CDS2: variants seen among roughly 807,000 people sequenced by gnomAD.
CDS2 encodes CDP-diacylglycerol synthase 2.
Under a neutral mutation model 59.0 loss-of-function variants are expected in CDS2, and 47 were observed. That is an observed-to-expected ratio of 0.80 (90% CI 0.63 to 1.02). CDS2 has a LOEUF of 1.02. Among genes scored for constraint, CDS2 ranks in the 50% least tolerant of loss-of-function variants. The pLI is 0.00. For synonymous variants in CDS2, 207 were observed against 206.4 expected (o/e 1.00, Z -0.02); for missense variants, 356 against 558.9 (o/e 0.64, Z 3.66).
intron 1 of CDS2, among the ~76,000 whole-genome samples, chr20:5,135,065 G>GT (rs1196509257): frequency 1.3e-5 from 2 of 151,910 alleles, no homozygotes; most frequent in Non-Finnish European, 2.9e-5. Flanking sequence ...AATGAATCTT[G>GT]TAACTAATTT....
At chr20:5,168,467 G>A in intron 1 of CDS2, 1 of 353,440 alleles carries the variant, frequency 2.8e-6, no homozygotes, top group Admixed American at 3.7e-5. Context: ...GGGGTATAGG[G>A]TAGGATAGGT....
At chr20:5,187,163 T>G (rs1170222769) in intron 10 of CDS2, 3 of 272,840 alleles carry the variant, frequency 1.1e-5, no homozygotes, top group Non-Finnish European at 2.2e-5. Context: ...TTATTTTCCT[T>G]TTTCAATGTG....
At chr20:5,180,965 G>A (rs1315837628) in intron 5 of CDS2, among the ~76,000 whole-genome samples, 1 of 152,088 alleles carries the variant, frequency 6.6e-6, no homozygotes, top group African/African-American at 2.4e-5. Context: ...TCACAGCTCG[G>A]ACACAAAGTG....
chr20:5,181,168 A>G (rs908548708), intron 5 of CDS2, among the ~76,000 whole-genome samples: 3 of 152,244 alleles, frequency 2.0e-5, no homozygotes, highest in Non-Finnish European at 4.4e-5. Flanking sequence ...GCTGATTGCA[A>G]TATGTTCCCA....
chr20:5,189,620 C>A, intron 11 of CDS2, 115 bp from the exon 12 acceptor site: 1 of 712,296 alleles, frequency 1.4e-6, no homozygotes, highest in Non-Finnish European at 2.5e-6. Context: ...TACTTCTCAC[C>A]TTCTATTGCC....
chr20:5,183,309 G>T (rs946132122), intron 7 of CDS2, 166 bp downstream of exon 7: 6 of 612,486 alleles, frequency 9.8e-6, no homozygotes, highest in Non-Finnish European at 1.8e-5. Flanking sequence ...TGATTCATTA[G>T]ATCTGGGGTA....
At chr20:5,188,330 C>T (rs2091085761) in intron 10 of CDS2, among the ~76,000 whole-genome samples, 1 of 152,204 alleles carries the variant, frequency 6.6e-6, no homozygotes. Context: ...GAAATGACTA[C>T]TTGTCAAGCT....
chr20:5,137,228 C>G (rs964298691), intron 1 of CDS2, among the ~76,000 whole-genome samples: 32 of 147,880 alleles, frequency 2.2e-4, no homozygotes, highest in African/African-American at 6.9e-4. Flanking sequence ...TTCTTTCTGT[C>G]ACCCTCCCTC....
intron 1 of CDS2, among the ~76,000 whole-genome samples, chr20:5,172,621 C>G (rs144146427): frequency 3.6e-4 from 55 of 152,294 alleles, no homozygotes; most frequent in African/African-American, 1.3e-3. Context: ...AATGGGGCTT[C>G]TCCTGTCCCT....
At chr20:5,151,242 G>T (rs2122993064) in intron 1 of CDS2, among the ~76,000 whole-genome samples, 1 of 152,246 alleles carries the variant, frequency 6.6e-6, no homozygotes, top group South Asian at 2.1e-4. Context: ...TCATTAAAAA[G>T]TACTTAGAAT....
At chr20:5,144,227 T>C (rs1004496054) in intron 1 of CDS2, among the ~76,000 whole-genome samples, 1 of 152,204 alleles carries the variant, frequency 6.6e-6, no homozygotes, top group Non-Finnish European at 1.5e-5. Flanking sequence ...TAAACAACTA[T>C]TGGGATCCTC....
At chr20:5,150,843 G>A (rs920234381) in intron 1 of CDS2, among the ~76,000 whole-genome samples, 1 of 152,156 alleles carries the variant, frequency 6.6e-6, no homozygotes, top group African/African-American at 2.4e-5. Flanking sequence ...CTTTGTCTTC[G>A]ATTTCTGTAG....
At chr20:5,151,889 T>C (rs147587309) in intron 1 of CDS2, among the ~76,000 whole-genome samples, 3,841 of 150,386 alleles carry the variant, frequency 0.026, 68 homozygotes, top group East Asian at 0.08. Flanking sequence ...CTCAGCCTTC[T>C]GAGTAGCTGG....
chr20:5,143,729 A>T, intron 1 of CDS2, among the ~76,000 whole-genome samples: 1 of 130,558 alleles, frequency 7.7e-6, no homozygotes, highest in Non-Finnish European at 1.6e-5. Flanking sequence ...TATCTGTTTG[A>T]GTCTCTGCTT....
chr20:5,129,825 C>T (rs1476964924), intron 1 of CDS2, among the ~76,000 whole-genome samples: 3 of 151,892 alleles, frequency 2.0e-5, no homozygotes, highest in South Asian at 2.1e-4. Context: ...GTGATCTGCC[C>T]GCCTCGGTCT....
chr20:5,186,854 CAG>C lies in CDS2; in HGVS notation c.981+16_981+17del, dbSNP rs1455575704. 18 of 1,613,776 alleles carry C rather than the reference CAG, an allele frequency of 1.1e-5. No homozygotes were observed. The highest frequency in any genetic ancestry group is 8.3e-5 in the Admixed American group (5 of 60,006). On this transcript the variant is annotated intron_variant, in intron 10 of 12. Transcript: ENST00000460006. ...TCATTGGCTGGGTATGTGCCACTCA[CAG>C]GGGGTGAGCGGCCTCCATGGACAGT... is the stretch of plus-strand genomic sequence containing the variant.
intron 10 of CDS2, 185 bp downstream of exon 10, chr20:5,187,024 G>T: frequency 2.4e-6 from 1 of 415,660 alleles, no homozygotes; most frequent in Non-Finnish European, 4.5e-6. Context: ...CCCAACATCA[G>T]ATTGTTTAGA....
rs1385299179 is a variant in CDS2 at position 5,186,680 on chromosome 20, T to C, written c.829-7T>C. ...TCCTTGCCGGTCTCTCTGTTATTCC[T>C]CCTCAGCTGTCCTATGTGATGTCCG... On this transcript the variant is annotated splice_polypyrimidine_tract_variant and splice_region_variant and intron_variant, in intron 9 of 12. Transcript: ENST00000460006. The C allele has an allele frequency of 2.5e-6, 4 of 1,613,844 alleles. No homozygotes were observed. The highest frequency in any genetic ancestry group is 3.4e-6 in the Non-Finnish European group (4 of 1,179,870).
At chr20:5,128,259 C>T (rs2090572697) in intron 1 of CDS2, 1 of 152,174 alleles carries the variant, frequency 6.6e-6, no homozygotes, top group Admixed American at 6.5e-5. Flanking sequence ...CACGGCTTCC[C>T]CTAATGCAGC....
Sources: allele counts gnomAD v4.1 joint callset (sites outside exome capture counted in the v4.1 genomes callset), GRCh38; gene constraint gnomAD v4.1.1; transcripts MANE v1.5; gene names NCBI Gene and HGNC (gene_info 2026-07-23, HGNC 2026-07-21).